STAG1: variants seen among roughly 807,000 people sequenced by gnomAD.
STAG1 encodes cohesin subunit SA-1.
STAG1 carries 26 observed loss-of-function variants against 170.9 expected under a neutral mutation model. The ratio of observed to expected loss-of-function variants is 0.15; its 90% CI spans 0.11 to 0.21. The LOEUF is 0.21. Ranked by LOEUF, STAG1 falls within the 10% of genes least tolerant of loss-of-function variation. STAG1 has a pLI of 1.00. For missense variants in STAG1, 964 were observed against 1,509.5 expected (o/e 0.64, Z 5.99); for synonymous variants, 514 against 497.7 (o/e 1.03, Z -0.44).
intron 6 of STAG1, among the ~76,000 whole-genome samples, chr3:136,524,479 C>T (rs552418997): frequency 6.6e-6 from 1 of 152,306 alleles, no homozygotes; most frequent in East Asian, 1.9e-4. Context: ...TGCTTATCAG[C>T]TTAAGGAGAT....
intron 1 of STAG1, among the ~76,000 whole-genome samples, chr3:136,667,868 G>C (rs948424823): frequency 6.6e-6 from 1 of 152,066 alleles, no homozygotes; most frequent in Non-Finnish European, 1.5e-5. Context: ...AAAACCACCT[G>C]GTTGTGTGTC....
At chr3:136,461,210 C>T (rs1434267949) in intron 13 of STAG1, among the ~76,000 whole-genome samples, 2 of 152,102 alleles carry the variant, frequency 1.3e-5, no homozygotes, top group African/African-American at 4.8e-5. Flanking sequence ...ATATGACAAA[C>T]CCACAGCTAC....
At chr3:136,479,126 T>C (rs1388877235) in intron 9 of STAG1, among the ~76,000 whole-genome samples, 1 of 149,624 alleles carries the variant, frequency 6.7e-6, no homozygotes, top group African/African-American at 2.5e-5. Flanking sequence ...GTGCACATTG[T>C]GCAGGTTAGT....
At chr3:136,630,442 AT>A (rs1385691240) in intron 2 of STAG1, among the ~76,000 whole-genome samples, 1 of 152,166 alleles carries the variant, frequency 6.6e-6, no homozygotes, top group East Asian at 1.9e-4. Context: ...ACACCAAACT[AT>A]TTTTTGTAAA....
intron 22 of STAG1, among the ~76,000 whole-genome samples, chr3:136,392,297 G>C (rs924846969): frequency 2.6e-5 from 4 of 152,054 alleles, no homozygotes; most frequent in Admixed American, 2.6e-4. Context: ...TAAGAGCGGA[G>C]AGAGGTAAAA....
intron 4 of STAG1, among the ~76,000 whole-genome samples, chr3:136,583,770 T>C (rs116255900): frequency 0.013 from 1,979 of 152,086 alleles, 50 homozygotes; most frequent in African/African-American, 0.043. Context: ...GCCTGAGCAA[T>C]AGAATGAGAC....
intron 1 of STAG1, among the ~76,000 whole-genome samples, chr3:136,633,574 C>T (rs113588280): frequency 3.9e-5 from 6 of 152,000 alleles, no homozygotes; most frequent in African/African-American, 1.2e-4. Context: ...GTGGCAGGTG[C>T]CTGCAATCCC....
chr3:136,585,399 G>A (rs1001631385), intron 4 of STAG1, among the ~76,000 whole-genome samples: 2 of 151,916 alleles, frequency 1.3e-5, no homozygotes, highest in Admixed American at 6.6e-5. Context: ...CCGAGATCAC[G>A]CCGCTGCACT....
intron 1 of STAG1, among the ~76,000 whole-genome samples, chr3:136,672,251 T>C (rs1358847765): frequency 6.6e-6 from 1 of 152,216 alleles, no homozygotes; most frequent in Non-Finnish European, 1.5e-5. Context: ...ACCACTCTTG[T>C]TAAACACATC....
In STAG1 at chr3:136,574,611, A is replaced by C. The variant is rs535877725; in HGVS notation, c.298-5750T>G. On this transcript the variant is annotated intron_variant, in intron 4 of 33. Coordinates refer to ENST00000383202, the MANE Select transcript of STAG1 (RefSeq NM_005862.3). The stretch of plus-strand genomic sequence containing the variant: ...TAAAGAGAAATATTTTATAATAATA[A>C]AACAGTAAATTCATTAGGAAGCTAT... 6.6e-4 allele frequency among the ~76,000 whole-genome samples: 100 copies of C among 152,334 alleles called. 1 individual carries two copies. In the South Asian group the frequency reaches 8.9e-3, roughly 14 times the overall value.
intron 4 of STAG1, among the ~76,000 whole-genome samples, chr3:136,579,958 ATTTTTTTTTTTTTTT>A (rs749325884): frequency 1.1e-4 from 8 of 73,626 alleles, no homozygotes; most frequent in Non-Finnish European, 1.9e-4. Context: ...TACCATCTGA[ATTTTTTTTTTTTTTT>A]TTTTTTTTTT....
At chr3:136,493,805 A>C (rs182225661) in intron 9 of STAG1, among the ~76,000 whole-genome samples, 220 of 152,294 alleles carry the variant, frequency 1.4e-3, no homozygotes, top group African/African-American at 5.1e-3. Flanking sequence ...GAAAGACAAA[A>C]GAGAAGACAC....
chr3:136,471,432 GA>G (rs1478128356), intron 12 of STAG1, among the ~76,000 whole-genome samples: 2 of 150,940 alleles, frequency 1.3e-5, no homozygotes, highest in African/African-American at 4.9e-5. Context: ...ACTAGATTTT[GA>G]AAAAAAAGAC....
At chr3:136,423,855 T>A (rs565574253) in intron 16 of STAG1, among the ~76,000 whole-genome samples, 1 of 147,038 alleles carries the variant, frequency 6.8e-6, no homozygotes, top group Non-Finnish European at 1.5e-5. Context: ...TGTTCAGTCT[T>A]TTTTTTTTTT....
intron 9 of STAG1, among the ~76,000 whole-genome samples, chr3:136,477,860 G>A (rs1047486445): frequency 1.3e-5 from 2 of 151,956 alleles, no homozygotes; most frequent in African/African-American, 2.4e-5. Context: ...GCATGATTTC[G>A]GCTGACTGCA....
intron 21 of STAG1, among the ~76,000 whole-genome samples, chr3:136,404,557 C>A (rs1374341576): frequency 2.6e-5 from 4 of 152,168 alleles, no homozygotes; most frequent in African/African-American, 7.2e-5. Flanking sequence ...ATGTGTTAAG[C>A]CACTCAGATT....
intron 5 of STAG1, among the ~76,000 whole-genome samples, chr3:136,563,497 T>C (rs552787565): frequency 3.9e-5 from 6 of 151,946 alleles, no homozygotes; most frequent in African/African-American, 1.4e-4. Context: ...CTCAATTCCC[T>C]CTAAACTTTC....
At position 136,715,766 on chromosome 3, in the gene STAG1, G is replaced by GT. The variant is rs1272811338; in HGVS notation, c.-84+36428dup. Among the ~76,000 whole-genome samples the GT allele has an allele frequency of 4.2e-3, 615 of 146,426 alleles. 1 individual carries two copies. Among genetic ancestry groups the GT allele is most frequent in the Admixed American group, 5.9e-3 (86 of 14,578 alleles). ...CCAGACATTATCAATAACTACTGTA[G>GT]TTTTTTTTTTTTAAAGTATGTATAA... On this transcript the variant is annotated intron_variant, in intron 1 of 33. Transcript: ENST00000383202.
At chr3:136,677,060 TAAAG>T (rs1942148819) in intron 1 of STAG1, among the ~76,000 whole-genome samples, 2 of 152,118 alleles carry the variant, frequency 1.3e-5, no homozygotes, top group Non-Finnish European at 2.9e-5. Flanking sequence ...AATATCTCCT[TAAAG>T]ACCTGCCAGA....
Sources: allele counts gnomAD v4.1 joint callset (sites outside exome capture counted in the v4.1 genomes callset), GRCh38; gene constraint gnomAD v4.1.1; transcripts MANE v1.5; gene names NCBI Gene and HGNC (gene_info 2026-07-23, HGNC 2026-07-21).